The following EPHA3 variants were observed in gnomAD, a reference collection of about 807,000 sequenced individuals.
EPHA3 encodes ephrin type-A receptor 3.
EPHA3 carries 42 observed loss-of-function variants against 107.1 expected under a neutral mutation model. That is an observed-to-expected ratio of 0.39 (90% confidence interval 0.31 to 0.51). The LOEUF is 0.51. EPHA3 is among the 20% of genes least tolerant of loss of function. EPHA3 has a pLI of 0.78. For synonymous variants in EPHA3, 461 were observed against 424.8 expected, an observed-to-expected ratio of 1.09 and a Z score of -1.05; for missense variants, 1,183 against 1,211.2, an observed-to-expected ratio of 0.98 and a Z score of 0.35.
At chr3:89,200,783 T>C (rs180974473) in intron 2 of EPHA3, among the ~76,000 whole-genome samples, 1 of 152,308 alleles carries the variant, frequency 6.6e-6, no homozygotes, top group African/African-American at 2.4e-5. Context: ...GAGTTTTCCC[T>C]GGGTACTCTG....
chr3:89,246,004 C>G (rs538625811), intron 3 of EPHA3, among the ~76,000 whole-genome samples: 1 of 152,254 alleles, frequency 6.6e-6, no homozygotes, highest in African/African-American at 2.4e-5. Context: ...AAGTCATTTA[C>G]TGAAATGGTA....
rs1706259262 is a variant in EPHA3 at position 89,210,780 on chromosome 3, T to C, written c.814+260T>C. 2.0e-5 allele frequency among the ~76,000 whole-genome samples: 3 copies of C among 152,266 alleles called. No homozygotes were observed. In the South Asian group the frequency reaches 6.2e-4, roughly 32 times the overall value. On this transcript the variant is annotated intron_variant, in intron 3 of 16. Transcript: ENST00000336596. ...GTTATACATGCTATATTTAAGTTTT[T>C]CTGCTGTTTAATAACTAAGGTAATC...
chr3:89,285,671 G>A (rs762361081), intron 3 of EPHA3, among the ~76,000 whole-genome samples: 5 of 152,154 alleles, frequency 3.3e-5, no homozygotes, highest in South Asian at 2.1e-4. Context: ...TATATTTCAC[G>A]AATATTAATG....
intron 5 of EPHA3, among the ~76,000 whole-genome samples, chr3:89,393,635 A>G (rs1708788673): frequency 6.6e-6 from 1 of 152,218 alleles, no homozygotes; most frequent in Non-Finnish European, 1.5e-5. Flanking sequence ...GACTCCGTTA[A>G]TGGACTTACT....
intron 2 of EPHA3, among the ~76,000 whole-genome samples, chr3:89,139,335 T>C (rs1704378400): frequency 6.6e-6 from 1 of 151,840 alleles, no homozygotes; most frequent in Admixed American, 6.6e-5. Flanking sequence ...ATTTAAATCT[T>C]GTGGGTGATA....
chr3:89,270,717 CT>C (rs1705648262), intron 3 of EPHA3, among the ~76,000 whole-genome samples: 1 of 150,164 alleles, frequency 6.7e-6, no homozygotes, highest in African/African-American at 2.5e-5. Context: ...AAAATTTCCT[CT>C]GTATGTTATT....
At chr3:89,160,267 A>G (rs1481012584) in intron 2 of EPHA3, among the ~76,000 whole-genome samples, 2 of 152,118 alleles carry the variant, frequency 1.3e-5, no homozygotes, top group Non-Finnish European at 2.9e-5. Context: ...ATAAATACAT[A>G]AACTGTATGC....
intron 2 of EPHA3, among the ~76,000 whole-genome samples, chr3:89,187,643 T>C (rs908279278): frequency 4.6e-5 from 7 of 152,096 alleles, no homozygotes; most frequent in African/African-American, 1.7e-4. Context: ...AAAGACTATA[T>C]GTTCTTAAAT....
At chr3:89,352,068 C>T (rs1377364605) in intron 5 of EPHA3, among the ~76,000 whole-genome samples, 1 of 150,972 alleles carries the variant, frequency 6.6e-6, no homozygotes, top group Non-Finnish European at 1.5e-5. Flanking sequence ...AAAGAGAGAA[C>T]GTGACTTCAT....
chr3:89,326,210 C>T (rs1238790109), intron 3 of EPHA3, among the ~76,000 whole-genome samples: 4 of 151,962 alleles, frequency 2.6e-5, no homozygotes, highest in Non-Finnish European at 5.9e-5. Flanking sequence ...TCCATGGATG[C>T]TCAAGTCCCT....
chr3:89,238,548 C>T (rs1704824610), intron 3 of EPHA3, among the ~76,000 whole-genome samples: 1 of 152,154 alleles, frequency 6.6e-6, no homozygotes, highest in Non-Finnish European at 1.5e-5. Context: ...GTTCTAAACT[C>T]AATTCTTGAG....
intron 9 of EPHA3, among the ~76,000 whole-genome samples, chr3:89,411,327 A>G (rs1393013632): frequency 6.6e-6 from 1 of 151,822 alleles, no homozygotes; most frequent in African/African-American, 2.4e-5. Flanking sequence ...ATTGACTTCT[A>G]GATAGTGGTG....
rs750510786 is a variant in EPHA3, at chr3:89,107,698, T to C, written c.-51T>C. On this transcript the variant is annotated 5_prime_UTR_variant, in exon 1 of 17. Coordinates refer to ENST00000336596, the MANE Select transcript of EPHA3 (RefSeq NM_005233.6). ...ATCAGAGCGCTCCCCCTCACATCAG[T>C]GGCATGCTTCATGGAGATATGCTCC... 1.3e-6 allele frequency: 2 copies of C among 1,530,046 alleles called. No homozygotes were observed. The highest frequency in any genetic ancestry group is 1.7e-5 in the Admixed American group (1 of 59,758). 94.8% of individuals were successfully genotyped at this position (1,530,046 alleles called of 1,614,324 possible).
intron 5 of EPHA3, among the ~76,000 whole-genome samples, chr3:89,384,853 A>G (rs1046149637): frequency 6.6e-6 from 1 of 152,194 alleles, no homozygotes; most frequent in Non-Finnish European, 1.5e-5. Context: ...TTGTATAACA[A>G]TGTATGGATG....
chr3:89,271,914 C>T (rs1705678512), intron 3 of EPHA3, among the ~76,000 whole-genome samples: 1 of 151,996 alleles, frequency 6.6e-6, no homozygotes, highest in Non-Finnish European at 1.5e-5. Context: ...AACCCTTCCC[C>T]TTCCTCTTTT....
intron 2 of EPHA3, among the ~76,000 whole-genome samples, chr3:89,151,211 T>C (rs1337272950): frequency 6.6e-6 from 1 of 152,066 alleles, no homozygotes; most frequent in Non-Finnish European, 1.5e-5. Flanking sequence ...AATAGTCTAC[T>C]CTCAAATCCA....
In EPHA3 at chr3:89,399,307, TGACC is replaced by T. The variant is rs1576358607; in HGVS notation, c.1432-10_1432-7del. ...TGATTTTAACATGAATTTTTTTTTCTGACCTCAAAGCAGGAACAAGAAACAAGTT... is the reference window on the plus strand; with the variant it reads ...TGATTTTAACATGAATTTTTTTTTCTTCAAAGCAGGAACAAGAAACAAGTT... On this transcript the variant is annotated splice_region_variant and splice_polypyrimidine_tract_variant and intron_variant, in intron 6 of 16. Coordinates refer to ENST00000336596, the MANE Select transcript of EPHA3 (RefSeq NM_005233.6). 3 of 1,583,982 alleles carry T rather than the reference TGACC, an allele frequency of 1.9e-6. No homozygotes were observed. The highest frequency in any genetic ancestry group is 1.7e-5 in the Admixed American group (1 of 57,814).
intron 3 of EPHA3, among the ~76,000 whole-genome samples, chr3:89,241,712 T>G (rs1487235426): frequency 2.6e-5 from 4 of 152,170 alleles, no homozygotes; most frequent in African/African-American, 9.7e-5. Context: ...CCCCCCTGCA[T>G]GATTTTAAGA....
intron 2 of EPHA3, among the ~76,000 whole-genome samples, chr3:89,133,992 T>C (rs1704258169): frequency 6.6e-6 from 1 of 151,864 alleles, no homozygotes; most frequent in African/African-American, 2.4e-5. Context: ...TTCACTGTTG[T>C]GTAGAATCAG....
Sources: gnomAD v4.1 joint callset for allele counts (sites outside exome capture counted in the v4.1 genomes callset) on GRCh38, gnomAD v4.1.1 for gene constraint, MANE v1.5 for transcripts, NCBI Gene and HGNC (gene_info 2026-07-23, HGNC 2026-07-21) for gene names.